PKIB: variants seen among roughly 807,000 people sequenced by gnomAD.
The protein encoded by PKIB is PKI-beta.
PKIB carries 2 observed loss-of-function variants against 4.5 expected under a neutral mutation model. The observed-to-expected ratio is 0.44, with a 90% CI of 0.18 to 1.39. The LOEUF (loss-of-function observed/expected upper bound fraction) is 1.39, where lower values mean the gene tolerates loss of function less well. PKIB is among the 40% of genes most tolerant of loss of function. The pLI is 0.27. For synonymous variants in PKIB, 38 were observed against 36.0 expected, an observed-to-expected ratio of 1.06 and a Z score of -0.20; for missense variants, 94 against 92.6, an observed-to-expected ratio of 1.02 and a Z score of -0.06.
chr6:122,632,812 A>T (rs1775754081), intron 1 of PKIB, among the ~76,000 whole-genome samples: 1 of 152,220 alleles, frequency 6.6e-6, no homozygotes. Context: ...TTGCTTTTTA[A>T]AGCACACATT....
chr6:122,577,699 G>A (rs1431447482), intron 2 of PKIB, among the ~76,000 whole-genome samples: 1 of 152,058 alleles, frequency 6.6e-6, no homozygotes, highest in Non-Finnish European at 1.5e-5. Context: ...CACGAGATCA[G>A]GAGATCGAGA....
Position 122,543,348 on chromosome 6 carries a change from C to T in PKIB, c.-247-42573C>T, listed in dbSNP as rs551667774. ...TTCCTATTCGGCCATCTTGGCCCCA[C>T]CCCCTCCTTTTTTTTTTTTTTTTTG... On this transcript the variant is annotated intron_variant, in intron 2 of 6. Coordinates refer to the PKIB transcript ENST00000392491. Among the ~76,000 whole-genome samples the T allele has an allele frequency of 9.9e-5, 15 of 151,116 alleles. 1 individual carries two copies. Among genetic ancestry groups the T allele is most frequent in the African/African-American group, 3.7e-4 (15 of 40,912 alleles).
At chr6:122,551,045 C>T (rs935582207) in intron 2 of PKIB, among the ~76,000 whole-genome samples, 8 of 152,096 alleles carry the variant, frequency 5.3e-5, no homozygotes, top group Admixed American at 5.2e-4. Flanking sequence ...GGCATTCTAT[C>T]TTTTATCTCT....
chr6:122,512,440 A>G, intron 2 of PKIB, among the ~76,000 whole-genome samples: 2 of 152,308 alleles, frequency 1.3e-5, no homozygotes, highest in South Asian at 4.1e-4. Context: ...AATAGTAATT[A>G]TTATTTTTTG....
At chr6:122,547,799 T>C (rs946183911) in intron 2 of PKIB, among the ~76,000 whole-genome samples, 5 of 152,110 alleles carry the variant, frequency 3.3e-5, no homozygotes, top group Non-Finnish European at 7.4e-5. Flanking sequence ...TTACAAACAA[T>C]AGTGGCTCCG....
In PKIB at chr6:122,725,138, GAA is replaced by G. The variant is rs1232531482; in HGVS notation, c.182_183del (p.Lys61ArgfsTer2). 6.2e-7 allele frequency: 1 copy of G among 1,605,994 alleles called. No homozygotes were observed. ...AAATTTTTTTTTCAGATGCAAAAGAGAAAGATGAAAAAACAACACAAGACCAA... is the reference window on the plus strand; with the variant it reads ...AAATTTTTTTTTCAGATGCAAAAGAGAGATGAAAAAACAACACAAGACCAA... ...ALSVKEDAKEKDEKTTQDQLE... is the reference protein window; with the variant it reads ...ALSVKEDAKEXDEKTTQDQLE... On this transcript the variant is annotated frameshift_variant, in exon 5 of 5. Coordinates refer to ENST00000368452, the MANE Select transcript of PKIB (RefSeq NM_181795.3). LOFTEE classifies it high-confidence loss of function.
chr6:122,476,361 C>A (rs763067125), intron 1 of PKIB, among the ~76,000 whole-genome samples: 1 of 152,050 alleles, frequency 6.6e-6, no homozygotes, highest in African/African-American at 2.4e-5. Flanking sequence ...TTGGAAGAGA[C>A]CATATTCTGA....
At chr6:122,584,665 A>G (rs1347166528) in intron 2 of PKIB, among the ~76,000 whole-genome samples, 2 of 152,180 alleles carry the variant, frequency 1.3e-5, no homozygotes, top group African/African-American at 4.8e-5. Context: ...ACCATTTTTT[A>G]TGCTTAGAAA....
At chr6:122,643,315 T>G (rs954992129) in intron 2 of PKIB, 1 of 152,198 alleles carries the variant, frequency 6.6e-6, no homozygotes, top group African/African-American at 2.4e-5. Flanking sequence ...CTATTAAGTT[T>G]TACTCACTTC....
In PKIB at chr6:122,725,639, A is replaced by G. The variant is rs45537132; in HGVS notation, c.*444A>G. The G allele has an allele frequency of 8.4e-3, 1,294 of 153,626 alleles. 7 individuals carry two copies. The highest frequency in any genetic ancestry group is 0.014 in the Non-Finnish European group (953 of 68,916). The allele number at this position is 153,626 out of a possible 1,614,324, so 9.5% of individuals were successfully genotyped here. ...TGGACATTTTTGGTGAGAAAGAACA[A>G]TAGTCAAAACTCACATGGATAGAGT... On this transcript the variant is annotated 3_prime_UTR_variant, in exon 5 of 5. Transcript: ENST00000368452.
chr6:122,541,543 G>A (rs959608102), intron 2 of PKIB, among the ~76,000 whole-genome samples: 19 of 152,088 alleles, frequency 1.2e-4, no homozygotes, highest in African/African-American at 3.6e-4. Flanking sequence ...AGTTTCTGCC[G>A]AGAGATCCGC....
intron 2 of PKIB, chr6:122,483,399 TATC>T (rs1489737937): frequency 7.2e-5 from 11 of 152,218 alleles, no homozygotes; most frequent in African/African-American, 2.7e-4. Context: ...ATCTGCCACA[TATC>T]ATAATGCCTC....
intron 3 of PKIB, among the ~76,000 whole-genome samples, chr6:122,595,493 G>C (rs1479680310): frequency 1.3e-5 from 2 of 152,208 alleles, no homozygotes; most frequent in Non-Finnish European, 2.9e-5. Flanking sequence ...GGAGTCCACA[G>C]ATGGTAGTCT....
At chr6:122,562,004 G>GTTTTTTTTTTTTTTTTTTTTTTTTTTTTT (rs758656278) in intron 2 of PKIB, among the ~76,000 whole-genome samples, 1 of 79,478 alleles carries the variant, frequency 1.3e-5, no homozygotes, top group Non-Finnish European at 2.3e-5. Context: ...GTTTTTTTTT[G>GTTTTTTTTTTTTTTTTTTTTTTTTTTTTT]TTTTTTTTTT....
At chr6:122,586,918 T>C (rs1243912300) in intron 3 of PKIB, among the ~76,000 whole-genome samples, 1 of 152,162 alleles carries the variant, frequency 6.6e-6, no homozygotes, top group Non-Finnish European at 1.5e-5. Context: ...TGCCTCCACC[T>C]GGGTGGGGTG....
chr6:122,667,756 G>C (rs543897262), intron 2 of PKIB, among the ~76,000 whole-genome samples: 2 of 152,296 alleles, frequency 1.3e-5, no homozygotes, highest in East Asian at 1.9e-4. Flanking sequence ...CAAAAAAAAT[G>C]TGAATCTGCT....
At chr6:122,603,898 T>G (rs542491928) in intron 3 of PKIB, among the ~76,000 whole-genome samples, 2 of 152,338 alleles carry the variant, frequency 1.3e-5, no homozygotes, top group East Asian at 3.9e-4. Context: ...TTAATTATTT[T>G]TGGTGTTTTG....
chr6:122,591,424 G>A (rs1466856814), intron 3 of PKIB, among the ~76,000 whole-genome samples: 4 of 152,100 alleles, frequency 2.6e-5, no homozygotes, highest in African/African-American at 9.7e-5. Context: ...GAACGTCTAA[G>A]TCAATTGTCA....
chr6:122,542,410 C>T (rs1235683954), intron 2 of PKIB, among the ~76,000 whole-genome samples: 3 of 152,016 alleles, frequency 2.0e-5, no homozygotes, highest in African/African-American at 4.8e-5. Context: ...CAGACAGGAC[C>T]CTCAGCTGCA....
Sources: gnomAD v4.1 joint callset for allele counts (sites outside exome capture counted in the v4.1 genomes callset) on GRCh38, gnomAD v4.1.1 for gene constraint, MANE v1.5 for transcripts, NCBI Gene and HGNC (gene_info 2026-07-23, HGNC 2026-07-21) for gene names.